LMO7: variants seen among roughly 807,000 people sequenced by gnomAD.
The protein encoded by LMO7 is LIM domain only protein 7.
Under a neutral mutation model 206.5 loss-of-function variants are expected in LMO7, and 120 were observed. That is an observed-to-expected ratio of 0.58 (90% confidence interval 0.50 to 0.68). LMO7 has a LOEUF of 0.68. Ranked by LOEUF, LMO7 falls within the 30% of genes least tolerant of loss-of-function variation. The pLI, the probability that LMO7 is intolerant of heterozygous loss-of-function variation, is 0.00. For missense variants in LMO7, 1,959 were observed against 1,957.9 expected (o/e 1.00, Z -0.01); for synonymous variants, 706 against 681.5 (o/e 1.04, Z -0.56).
intron 4 of LMO7, among the ~76,000 whole-genome samples, chr13:75,786,105 A>G (rs2052377246): frequency 1.3e-5 from 2 of 152,308 alleles, no homozygotes; most frequent in South Asian, 4.2e-4. Context: ...CTCACCCCTC[A>G]TCTGCTCCAC....
rs2055184540 is a variant in LMO7 at position 75,804,513 on chromosome 13, T to A, written c.886T>A (p.Tyr296Asn). 2 of 1,613,970 alleles carry A rather than the reference T, an allele frequency of 1.2e-6. No homozygotes were observed. The highest frequency in any genetic ancestry group is 4.5e-5 in the East Asian group (2 of 44,892). Reference protein sequence around the residue: ...DNRRSWASPVYTEADGTFSSN... With the variant: ...DNRRSWASPVNTEADGTFSSN... The stretch of plus-strand genomic sequence containing the variant: ...CAGAAGAAGTTGGGCAAGCCCGGTT[T>A]ATACAGAAGCAGATGGAACATTTTC... Residue 296 changes from tyrosine to asparagine, a missense_variant, in exon 8 of 31, where the codon TAT becomes AAT. Physicochemically the swap from Tyr to Asn is moderately radical, Grantham distance 143 (BLOSUM62 -2). Transcript: ENST00000377534.
At position 75,739,974 on chromosome 13, in the gene LMO7, C is replaced by T. The variant is rs151075466; in HGVS notation, c.210+12876C>T. On this transcript the variant is annotated intron_variant, in intron 3 of 30. Coordinates refer to ENST00000377534, the MANE Select transcript of LMO7 (RefSeq NM_001306080.2). ...TTTTTTGGGGAAAAAGCCCACTTCT[C>T]TTTTCTCTTCTTTCTCATCTAAGTT... Among the ~76,000 whole-genome samples the T allele has an allele frequency of 7.9e-5, 12 of 152,302 alleles. No individual in the cohort carries two copies. In the East Asian group the frequency reaches 1.9e-3, roughly 25 times the overall value.
Position 75,800,799 on chromosome 13 carries a change from A to G in LMO7, c.578A>G (p.Asp193Gly), listed in dbSNP as rs760707933. The G allele has an allele frequency of 3.3e-5, 54 of 1,614,142 alleles. No homozygotes were observed. The highest frequency in any genetic ancestry group is 4.2e-5 in the Non-Finnish European group (50 of 1,180,004). ...CCTCCAAGGCACCATAAGAGAGAAG[A>G]TTCCTTTGAAAGCTTGGACTCTTTG... ...LAPPRHHKRE[D>G]SFESLDSLGS... Residue 193 changes from aspartate to glycine, a missense_variant, in exon 7 of 31, where the codon GAT becomes GGT. By Grantham distance (94) the Asp-to-Gly change is moderately conservative (BLOSUM62 -1). Transcript: ENST00000377534.
Position 75,636,735 on chromosome 13 carries a change from C to T in LMO7, c.69+9C>T, listed in dbSNP as rs1198433388. On this transcript the variant is annotated intron_variant, in intron 1 of 30. Transcript: ENST00000377534. The stretch of plus-strand genomic sequence containing the variant: ...CTCAGAGATGGGTGGAGGTGAGTGC[C>T]TTTCACTGCTTTCCCTTCCGCAGGT... 3 of 1,600,494 alleles carry T rather than the reference C, an allele frequency of 1.9e-6. No homozygotes were observed. Among genetic ancestry groups the T allele is most frequent in the South Asian group, 2.3e-5 (2 of 88,384 alleles).
At chr13:75,818,293 AAGG>A (rs1450372811) in intron 12 of LMO7, among the ~76,000 whole-genome samples, 3 of 152,184 alleles carry the variant, frequency 2.0e-5, no homozygotes, top group African/African-American at 7.2e-5. Flanking sequence ...TTCTTTCTGC[AAGG>A]AGTTCATATT....
intron 1 of LMO7, among the ~76,000 whole-genome samples, chr13:75,700,324 C>T (rs2042202147): frequency 1.3e-5 from 2 of 152,116 alleles, no homozygotes; most frequent in Non-Finnish European, 2.9e-5. Flanking sequence ...TGATAAATGT[C>T]CATGAAATCT....
chr13:75,769,214 T>C (rs1402149754), intron 4 of LMO7, among the ~76,000 whole-genome samples: 1 of 152,090 alleles, frequency 6.6e-6, no homozygotes, highest in African/African-American at 2.4e-5. Context: ...TTTAGGTTAA[T>C]GGAGCAGTTA....
rs58964680 is a variant in LMO7 at position 75,776,162 on chromosome 13, GATATATATATATATATATATAT to G, written c.317+15146_317+15167del. ...ATATATATGCCATGTATATATATCG[GATATATATATATATATATATAT>G]ATATATATATATATATATATAACGT... On this transcript the variant is annotated intron_variant, in intron 4 of 30. Transcript: ENST00000377534. Among the ~76,000 whole-genome samples, 129 of 36,854 alleles carry G rather than the reference GATATATATATATATATATATAT, an allele frequency of 3.5e-3. 7 individuals are homozygous for G. The highest frequency in any genetic ancestry group is 0.019 in the Middle Eastern group (1 of 52). The allele number at this position is 36,854 out of a possible 152,430, so 24.2% of individuals were successfully genotyped here.
chr13:75,821,370 A>C lies in LMO7; in HGVS notation c.2401A>C (p.Arg801=). 1 of 1,614,198 alleles carries C rather than the reference A, an allele frequency of 6.2e-7. No individual in the cohort carries two copies. Among genetic ancestry groups the C allele is most frequent in the African/African-American group, 1.3e-5 (1 of 75,062 alleles). The part of the protein sequence containing the change: ...PKEDSTTFAK[R]EDRVTTEIQL... Reference sequence around the variant, plus strand: ...AGAAGATTCTACCACTTTTGCAAAAAGAGAGGACCGTGTAACAACTGAAAT... The same window carrying C: ...AGAAGATTCTACCACTTTTGCAAAACGAGAGGACCGTGTAACAACTGAAAT... The change falls in exon 14 of 31, where the codon AGA becomes CGA. Residue 801 remains arginine, a synonymous_variant. Transcript: ENST00000377534.
chr13:75,686,795 TATTTCTC>T (rs1363634787), intron 1 of LMO7, among the ~76,000 whole-genome samples: 1 of 152,112 alleles, frequency 6.6e-6, no homozygotes, highest in Non-Finnish European at 1.5e-5. Context: ...AACAGACACT[TATTTCTC>T]ATAGTTCTGG....
intron 4 of LMO7, among the ~76,000 whole-genome samples, chr13:75,775,782 T>C (rs185632733): frequency 6.3e-4 from 95 of 151,988 alleles, no homozygotes; most frequent in African/African-American, 2.0e-3. Context: ...ATGGCTATTA[T>C]TAAAAAGTCA....
In LMO7 at chr13:75,820,118, G is replaced by A. The variant is rs111808509; in HGVS notation, c.2207+583G>A. On this transcript the variant is annotated intron_variant, in intron 13 of 30. Coordinates refer to ENST00000377534, the MANE Select transcript of LMO7 (RefSeq NM_001306080.2). ...TACAGATCAAGGAGAAGGAAAATAC[G>A]CTTTTAGAATAATGTCCAAAAGGAA... Among the ~76,000 whole-genome samples the A allele has an allele frequency of 9.4e-4, 143 of 152,236 alleles. 2 individuals are homozygous for A. Among genetic ancestry groups the A allele is most frequent in the African/African-American group, 3.1e-3 (129 of 41,570 alleles).
intron 4 of LMO7, among the ~76,000 whole-genome samples, chr13:75,767,386 G>A (rs1284115496): frequency 6.6e-6 from 1 of 151,944 alleles, no homozygotes. Context: ...AAGCTCAAGG[G>A]CAAAGAATAG....
chr13:75,798,566 T>C (rs1008839575), intron 6 of LMO7, among the ~76,000 whole-genome samples: 3 of 152,220 alleles, frequency 2.0e-5, no homozygotes, highest in African/African-American at 7.2e-5. Flanking sequence ...AAAACTAAGG[T>C]TGTGGTTCCA....
At chr13:75,715,644 G>A (rs1416407926) in intron 2 of LMO7, among the ~76,000 whole-genome samples, 3 of 152,174 alleles carry the variant, frequency 2.0e-5, no homozygotes, top group Non-Finnish European at 4.4e-5. Context: ...TCTCTAAATT[G>A]TGAATCACGT....
chr13:75,797,009 T>C (rs1045829851), intron 6 of LMO7, among the ~76,000 whole-genome samples: 1 of 152,216 alleles, frequency 6.6e-6, no homozygotes, highest in Admixed American at 6.5e-5. Flanking sequence ...TAATTCTACA[T>C]AATTTGATGA....
intron 1 of LMO7, among the ~76,000 whole-genome samples, chr13:75,700,097 T>A (rs758480562): frequency 6.6e-6 from 1 of 152,228 alleles, no homozygotes; most frequent in Non-Finnish European, 1.5e-5. Flanking sequence ...CTTATGGTTA[T>A]CTCCCTTGTT....
intron 1 of LMO7, among the ~76,000 whole-genome samples, chr13:75,653,175 G>T (rs570324530): frequency 1.3e-5 from 2 of 151,768 alleles, no homozygotes; most frequent in Non-Finnish European, 2.9e-5. Context: ...GCCCCTTCAA[G>T]GAAAAAAAAG....
intron 4 of LMO7, among the ~76,000 whole-genome samples, chr13:75,770,131 A>G (rs888943997): frequency 1.5e-4 from 23 of 151,972 alleles, no homozygotes; most frequent in African/African-American, 3.9e-4. Context: ...ACAGAATGAC[A>G]TGCCAGATCC....
Sources: allele counts gnomAD v4.1 joint callset (sites outside exome capture counted in the v4.1 genomes callset), GRCh38; gene constraint gnomAD v4.1.1; transcripts MANE v1.5; gene names NCBI Gene and HGNC (gene_info 2026-07-23, HGNC 2026-07-21).